Variants in AHRR observed in about 807,000 individuals in gnomAD.
The protein encoded by AHRR is aryl hydrocarbon receptor repressor.
Under a neutral mutation model 44.0 loss-of-function variants are expected in AHRR, and 28 were observed. The observed-to-expected ratio is 0.64, with a 90% confidence interval of 0.47 to 0.87. The LOEUF (loss-of-function observed/expected upper bound fraction) is 0.87. AHRR is among the 40% of genes least tolerant of loss of function. The pLI is 0.00. For missense variants in AHRR, 990 were observed against 953.9 expected, an observed-to-expected ratio of 1.04 and a Z score of -0.50; for synonymous variants, 434 against 407.0, an observed-to-expected ratio of 1.07 and a Z score of -0.80.
chr5:325,939 C>T (rs111281215), intron 1 of AHRR, among the ~76,000 whole-genome samples: 6 of 152,078 alleles, frequency 3.9e-5, no homozygotes, highest in African/African-American at 1.4e-4. Context: ...CCAGCCACCA[C>T]GCCTGGCTAA....
chr5:332,565 C>T (rs1408329996), intron 1 of AHRR, among the ~76,000 whole-genome samples: 1 of 152,040 alleles, frequency 6.6e-6, no homozygotes, highest in African/African-American at 2.4e-5. Context: ...TGCACCTGGC[C>T]AATACTTGTT....
chr5:360,961 GAGA>G (rs771181522), intron 3 of AHRR, among the ~76,000 whole-genome samples: 6 of 152,184 alleles, frequency 3.9e-5, no homozygotes, highest in Non-Finnish European at 7.3e-5. Context: ...TGCAAAAAAT[GAGA>G]AGGTGGGCCG....
At chr5:373,047 G>A (rs77512435) in intron 3 of AHRR, among the ~76,000 whole-genome samples, 13,840 of 152,298 alleles carry the variant, frequency 0.091, 882 homozygotes, top group Non-Finnish European at 0.12. Context: ...TTCCAAATGA[G>A]CCCCTTCTTG....
At chr5:371,504 G>A (rs540120003) in intron 3 of AHRR, among the ~76,000 whole-genome samples, 9 of 152,300 alleles carry the variant, frequency 5.9e-5, no homozygotes, top group Middle Eastern at 3.4e-3. Context: ...GGAATCCTGC[G>A]TCCCATTCCC....
chr5:356,532 CGCCCGGGAG>C (rs1236095077), intron 3 of AHRR, among the ~76,000 whole-genome samples: 1 of 118,556 alleles, frequency 8.4e-6, no homozygotes, highest in Admixed American at 8.3e-5. Flanking sequence ...TGAGGAAGAG[CGCCCGGGAG>C]TGGAGGCCCT....
At chr5:428,930 T>C (rs1736592428) in intron 8 of AHRR, among the ~76,000 whole-genome samples, 1 of 152,190 alleles carries the variant, frequency 6.6e-6, no homozygotes, top group African/African-American at 2.4e-5. Flanking sequence ...GCTCTGGCGG[T>C]CACGCGAGCA....
At chr5:414,744 T>C (rs1177209159) in intron 5 of AHRR, among the ~76,000 whole-genome samples, 1 of 152,230 alleles carries the variant, frequency 6.6e-6, no homozygotes, top group African/African-American at 2.4e-5. Context: ...AGAACAGGTA[T>C]GTTTGAGAAA....
At chr5:369,245 C>T (rs1484442505) in intron 3 of AHRR, among the ~76,000 whole-genome samples, 4 of 152,288 alleles carry the variant, frequency 2.6e-5, no homozygotes, top group East Asian at 3.9e-4. Context: ...AAGAGCAGCA[C>T]GGCACAGTCA....
chr5:427,427 C>T (rs73038982), intron 7 of AHRR, among the ~76,000 whole-genome samples: 356 of 33,174 alleles, frequency 0.011, 1 homozygote, highest in African/African-American at 0.045. Flanking sequence ...TCCACTCCTG[C>T]GAATTCTTGC....
At chr5:345,070 A>ATG (rs150724632) in intron 2 of AHRR, among the ~76,000 whole-genome samples, 222 of 10,132 alleles carry the variant, frequency 0.022, 48 homozygotes, top group African/African-American at 0.074. Flanking sequence ...GTGTGTGGGG[A>ATG]TGTGTGTGTG....
rs1418220670 is a variant in AHRR at position 383,104 on chromosome 5, C to T, written c.351+6388C>T. On this transcript the variant is annotated intron_variant, in intron 4 of 10. Coordinates refer to ENST00000684583, the MANE Select transcript of AHRR (RefSeq NM_001377236.1). This position sits in a 1 kb window ranked among gnomAD's most constrained non-coding sequence, Gnocchi z 4.0. Reference sequence around the variant, plus strand: ...ATCCTGATGCTATTGAATTCTGGCTCAATTTTGTTATGGTCAGAGAATATA... The same window carrying T: ...ATCCTGATGCTATTGAATTCTGGCTTAATTTTGTTATGGTCAGAGAATATA... 1.3e-5 allele frequency among the ~76,000 whole-genome samples: 2 copies of T among 152,148 alleles called. No individual in the cohort carries two copies. Among genetic ancestry groups the T allele is most frequent in the African/African-American group, 2.4e-5 (1 of 41,432 alleles).
In AHRR at chr5:402,521, C is replaced by T. The variant is rs369223386; in HGVS notation, c.352-10823C>T. Among the ~76,000 whole-genome samples the T allele has an allele frequency of 6.5e-4, 97 of 150,112 alleles. 2 individuals carry two copies. In the South Asian group the frequency reaches 0.014, roughly 21 times the overall value. On this transcript the variant is annotated intron_variant, in intron 4 of 10. Transcript: ENST00000684583. ...CGTGCACTGTTGGCGGGAAGGCAGT[C>T]GTTGATGAGGGTGTGGAGAGAAGGG... is the stretch of plus-strand genomic sequence containing the variant.
Position 413,444 on chromosome 5 carries a change from C to T in AHRR, c.441+11C>T. ...CTGGGCTTCCATCAGGTAAATGAAA[C>T]CAGAATAGCCCTCCAGTCTGTTAAG... On this transcript the variant is annotated intron_variant, in intron 5 of 10. Transcript: ENST00000684583. The T allele has an allele frequency of 6.3e-7, 1 of 1,577,844 alleles. No individual in the cohort carries two copies. Among genetic ancestry groups the T allele is most frequent in the Middle Eastern group, 1.7e-4 (1 of 5,962 alleles).
At chr5:420,160 T>C (rs1355205602) in intron 5 of AHRR, among the ~76,000 whole-genome samples, 1 of 152,158 alleles carries the variant, frequency 6.6e-6, no homozygotes, top group African/African-American at 2.4e-5. Flanking sequence ...GGGGTTTTGA[T>C]TGCGAAATGT....
intron 4 of AHRR, among the ~76,000 whole-genome samples, chr5:386,676 G>A (rs561024075): frequency 2.6e-5 from 4 of 152,354 alleles, no homozygotes; most frequent in South Asian, 2.1e-4. Flanking sequence ...CTTCAGCCAC[G>A]GGTCTGTAGG....
chr5:350,991 C>G (rs976752434), intron 2 of AHRR, among the ~76,000 whole-genome samples: 8 of 152,108 alleles, frequency 5.3e-5, no homozygotes, highest in African/African-American at 1.7e-4. Flanking sequence ...GGACAACAAG[C>G]ATTTGAAAAG....
Position 432,935 on chromosome 5 carries a change from A to C in AHRR, c.1100A>C (p.Lys367Thr), listed in dbSNP as rs765003828. Residue 367 changes from lysine (K) to threonine (T), a missense_variant, in exon 10 of 11, where the codon AAG (lysine) becomes ACG (threonine). Coordinates refer to ENST00000684583, the MANE Select transcript of AHRR (RefSeq NM_001377236.1). ...GGCCCTGACCTTGTCCTTGACCCCA[A>C]GGGGGGCTCAGGGTAAGTGGTGCCA... The part of the protein sequence containing the change: ...RGGPDLVLDP[K>T]GGSGDREEEQ... 6 of 1,605,086 alleles carry C rather than the reference A, an allele frequency of 3.7e-6. No individual in the cohort carries two copies. Among genetic ancestry groups the C allele is most frequent in the Non-Finnish European group, 5.1e-6 (6 of 1,175,568 alleles).
In AHRR at chr5:326,236, C is replaced by T. The variant is rs1157016810; in HGVS notation, c.-11+4417C>T. Among the ~76,000 whole-genome samples the T allele has an allele frequency of 6.6e-6, 1 of 152,244 alleles. No individual in the cohort carries two copies. Among genetic ancestry groups the T allele is most frequent in the African/African-American group, 2.4e-5 (1 of 41,466 alleles). The stretch of plus-strand genomic sequence containing the variant: ...TCTTCATCGCCTCCGGCAGTGCTCA[C>T]CCACCAGGCAGTCACTCCCCAGTCC... On this transcript the variant is annotated intron_variant, in intron 1 of 10. Transcript: ENST00000684583. This position sits in a 1 kb window ranked among gnomAD's most constrained non-coding sequence, Gnocchi z 4.1.
intron 2 of AHRR, among the ~76,000 whole-genome samples, chr5:346,309 T>C (rs1229589134): frequency 6.6e-6 from 1 of 152,188 alleles, no homozygotes; most frequent in Non-Finnish European, 1.5e-5. Flanking sequence ...CTGAAGACAC[T>C]TTCCTCTGAG....
Sources: gnomAD v4.1 joint callset for allele counts (sites outside exome capture counted in the v4.1 genomes callset) on GRCh38, gnomAD v4.1.1 for gene constraint, Gnocchi (gnomAD v3.1) non-coding constraint, MANE v1.5 for transcripts, NCBI Gene and HGNC (gene_info 2026-07-23, HGNC 2026-07-21) for gene names.